The following GFI1B variants were observed in gnomAD, a reference collection of about 807,000 sequenced individuals.
GFI1B encodes growth factor independent 1B transcriptional repressor, also known as zinc finger protein Gfi-1b.
A neutral mutation model predicts 35.3 loss-of-function variants in GFI1B; 20 were observed. The ratio of observed to expected loss-of-function variants is 0.57; its 90% CI spans 0.40 to 0.82. The LOEUF (loss-of-function observed/expected upper bound fraction) is 0.82, where lower values mean the gene tolerates loss of function less well. Ranked by LOEUF, GFI1B falls within the 40% of genes least tolerant of loss-of-function variation. The pLI is 0.00. For synonymous variants in GFI1B, 178 were observed against 177.6 expected (o/e 1.00, Z -0.02); for missense variants, 430 against 446.3 (o/e 0.96, Z 0.33).
At chr9:132,984,451 A>G (rs921583343) in intron 1 of GFI1B, among the ~76,000 whole-genome samples, 7 of 152,314 alleles carry the variant, frequency 4.6e-5, no homozygotes, top group Admixed American at 4.6e-4. Context: ...AAGGGACCCC[A>G]GAGGCCTTCA....
intron 3 of GFI1B, 28 bp downstream of exon 3, chr9:132,987,447 C>T (rs755465544): frequency 3.7e-6 from 6 of 1,613,818 alleles, no homozygotes; most frequent in Admixed American, 3.3e-5. Context: ...ACTGTCATTC[C>T]CCAGGGAGTG....
At position 132,972,041 on chromosome 9, in the gene GFI1B, G is replaced by A. The variant is rs576867316; in HGVS notation, c.-700-684G>A. On this transcript the variant is annotated intron_variant, in intron 1 of 10. Coordinates refer to the GFI1B transcript ENST00000339463. ...TGTAATCCCAGCACTTTGGGAGGCC[G>A]AGGTGGGCAGATCTCATGGATTTAG... is the stretch of plus-strand genomic sequence containing the variant. Among the ~76,000 whole-genome samples the A allele has an allele frequency of 8.6e-5, 13 of 151,596 alleles. No individual in the cohort carries two copies. The East Asian group carries it at 1.6e-3, about 18-fold the overall frequency.
Position 132,988,189 on chromosome 9 carries a change from C to G in GFI1B, c.239-8C>G. 6.2e-7 allele frequency: 1 copy of G among 1,613,580 alleles called. No individual in the cohort carries two copies. The highest frequency in any genetic ancestry group is 1.1e-5 in the South Asian group (1 of 91,070). ...TGAGTAACCAGGCCTGTGTCGTTAT[C>G]TCCACAGAGGGCCCCATTGTGCTGT... On this transcript the variant is annotated splice_region_variant and splice_polypyrimidine_tract_variant and intron_variant, in intron 3 of 6. Transcript: ENST00000372122.
intron 4 of GFI1B, 112 bp from the exon 5 acceptor site, chr9:132,988,949 A>C (rs1588441137): frequency 9.6e-7 from 1 of 1,038,950 alleles, no homozygotes; most frequent in Non-Finnish European, 1.5e-6. Flanking sequence ...AGTGCCCCTT[A>C]CTCTGTGTAC....
At chr9:132,948,051 G>A (rs56012501) in intron 1 of GFI1B, among the ~76,000 whole-genome samples, 6 of 152,088 alleles carry the variant, frequency 3.9e-5, no homozygotes, top group Non-Finnish European at 7.4e-5. Flanking sequence ...GTTACGGTTC[G>A]TCCACAAGGA....
chr9:132,957,121 A>G (rs1848294376), intron 1 of GFI1B, among the ~76,000 whole-genome samples: 1 of 152,202 alleles, frequency 6.6e-6, no homozygotes, highest in Admixed American at 6.5e-5. Context: ...TGAGTGTCTA[A>G]GGAAGTTACT....
At chr9:132,969,081 T>G (rs1848493583) in intron 1 of GFI1B, among the ~76,000 whole-genome samples, 1 of 151,988 alleles carries the variant, frequency 6.6e-6, no homozygotes, top group Non-Finnish European at 1.5e-5. Flanking sequence ...CAGGCTGGAG[T>G]GCAGTGGCAT....
chr9:132,978,032 T>G (rs1848683089), upstream of GFI1B, among the ~76,000 whole-genome samples: 1 of 141,440 alleles, frequency 7.1e-6, no homozygotes, highest in South Asian at 2.5e-4. Context: ...TCTATGCATG[T>G]GGCCGGCTCG....
rs1048147520 is a variant in GFI1B at position 132,991,512 on chromosome 9, C to T, written c.*462C>T. 5.5e-6 allele frequency: 1 copy of T among 181,508 alleles called. No homozygotes were observed. The highest frequency in any genetic ancestry group is 1.1e-4 in the South Asian group (1 of 8,798). 11.2% of individuals were successfully genotyped at this position (181,508 alleles called of 1,614,324 possible). ...GCTGCCTCCCACCCCAGTCAGAAGCCTGGCACCCCCTCTGCTTCGGCCAGA... is the reference window on the plus strand; with the variant it reads ...GCTGCCTCCCACCCCAGTCAGAAGCTTGGCACCCCCTCTGCTTCGGCCAGA... On this transcript the variant is annotated 3_prime_UTR_variant, in exon 7 of 7. Coordinates refer to ENST00000372122, the MANE Select transcript of GFI1B (RefSeq NM_001377304.1).
chr9:132,969,104 C>T (rs985099494), intron 1 of GFI1B, among the ~76,000 whole-genome samples: 1 of 152,166 alleles, frequency 6.6e-6, no homozygotes, highest in Non-Finnish European at 1.5e-5. Context: ...TCTCGGCTCA[C>T]TGCAACCTCT....
chr9:132,984,114 T>C (rs1848933660), intron 1 of GFI1B, among the ~76,000 whole-genome samples: 1 of 152,102 alleles, frequency 6.6e-6, no homozygotes, highest in South Asian at 2.1e-4. Flanking sequence ...CTCATAAATA[T>C]TATGCGCAAA....
intron 1 of GFI1B, among the ~76,000 whole-genome samples, chr9:132,980,197 C>T (rs768261302): frequency 1.3e-4 from 20 of 152,190 alleles, no homozygotes; most frequent in Non-Finnish European, 2.4e-4. Context: ...CAGACCATTG[C>T]CCCGAAGCTT....
intron 2 of GFI1B, among the ~76,000 whole-genome samples, 164 bp from the exon 3 acceptor site, chr9:132,987,118 C>T (rs550850481): frequency 6.6e-6 from 1 of 152,210 alleles, no homozygotes; most frequent in Non-Finnish European, 1.5e-5. Flanking sequence ...CTCTTCTTGC[C>T]GCCGCCTGCT....
intron 6 of GFI1B, among the ~76,000 whole-genome samples, chr9:132,990,151 C>T (rs900258853): frequency 2.6e-5 from 4 of 152,234 alleles, no homozygotes; most frequent in Admixed American, 6.5e-5. Flanking sequence ...GACTAGCAGG[C>T]GAACTGCTCA....
At chr9:132,993,177 C>T (rs1444373201), downstream of GFI1B, among the ~76,000 whole-genome samples, 1 of 152,106 alleles carries the variant, frequency 6.6e-6, no homozygotes, top group Admixed American at 6.6e-5. Context: ...GCCTGTAAAC[C>T]CAGCTACTTG....
intron 1 of GFI1B, among the ~76,000 whole-genome samples, chr9:132,982,976 C>A (rs944049884): frequency 7.2e-5 from 11 of 152,120 alleles, no homozygotes; most frequent in African/African-American, 2.2e-4. Flanking sequence ...TTGGCCAGGG[C>A]TCATGAGCGC....
At chr9:132,966,138 C>T (rs1383460990) in intron 1 of GFI1B, among the ~76,000 whole-genome samples, 1 of 152,096 alleles carries the variant, frequency 6.6e-6, no homozygotes, top group Non-Finnish European at 1.5e-5. Flanking sequence ...GCAGGAGAAC[C>T]GCTGGTGTTC....
Position 132,989,535 on chromosome 9 carries a change from G to T in GFI1B, c.649-207G>T, listed in dbSNP as rs572856004. ...ACATTTATTGAGGTTTATTTTGAGC[G>T]GGATACCGTGAAGATTACAAGGAAA... On this transcript the variant is annotated intron_variant, in intron 5 of 6. Transcript: ENST00000372122. This position sits in a 1 kb window ranked among gnomAD's most constrained non-coding sequence, Gnocchi z 6.2. The T allele has an allele frequency of 1.2e-5, 7 of 603,104 alleles. No homozygotes were observed. Among genetic ancestry groups the T allele is most frequent in the Admixed American group, 2.9e-5 (1 of 34,140 alleles). 37.4% of individuals were successfully genotyped at this position (603,104 alleles called of 1,614,324 possible).
At chr9:132,947,965 T>G (rs1848146916) in intron 1 of GFI1B, among the ~76,000 whole-genome samples, 1 of 152,190 alleles carries the variant, frequency 6.6e-6, no homozygotes, top group Admixed American at 6.5e-5. Context: ...GCCGCTGGGA[T>G]TGGCCAACAC....
Sources: gnomAD v4.1 joint callset for allele counts (sites outside exome capture counted in the v4.1 genomes callset) on GRCh38, gnomAD v4.1.1 for gene constraint, Gnocchi (gnomAD v3.1) non-coding constraint, MANE v1.5 for transcripts, NCBI Gene and HGNC (gene_info 2026-07-23, HGNC 2026-07-21) for gene names.